Variants in IL1RAPL2 observed in about 807,000 individuals in gnomAD.
IL1RAPL2 encodes interleukin 1 receptor accessory protein like 2.
IL1RAPL2 carries 3 observed loss-of-function variants against 44.1 expected under a neutral mutation model. The ratio of observed to expected loss-of-function variants is 0.07; its 90% CI spans 0.03 to 0.18. IL1RAPL2 has a LOEUF of 0.18. Ranked by LOEUF, IL1RAPL2 falls within the 10% of genes least tolerant of loss-of-function variation. The probability of loss-of-function intolerance (pLI) is 1.00; values close to 1 mark genes in which losing one functional copy is unlikely to be tolerated. For missense variants in IL1RAPL2, 391 were observed against 496.4 expected, an observed-to-expected ratio of 0.79 and a Z score of 2.02; for synonymous variants, 181 against 178.8, an observed-to-expected ratio of 1.01 and a Z score of -0.10.
At chrX:105,147,242 G>A (rs2033187971) in intron 2 of IL1RAPL2, among the ~76,000 whole-genome samples, 1 of 111,234 alleles carries the variant, frequency 9.0e-6, no homozygotes, top group Non-Finnish European at 1.9e-5. Flanking sequence ...AACTTCCTTG[G>A]CTATTATTTT....
chrX:104,869,532 C>G (rs1286415509), intron 2 of IL1RAPL2, among the ~76,000 whole-genome samples: 3 of 111,634 alleles, frequency 2.7e-5, no homozygotes, highest in Non-Finnish European at 5.7e-5. Flanking sequence ...TGCTTTGTCT[C>G]TTCCTAGAGT....
At chrX:105,263,212 G>A (rs2034374248) in intron 4 of IL1RAPL2, among the ~76,000 whole-genome samples, 1 of 105,295 alleles carries the variant, frequency 9.5e-6, no homozygotes, top group South Asian at 4.5e-4. Flanking sequence ...CAGATGTTTA[G>A]ATGCCCTGTG....
intron 6 of IL1RAPL2, among the ~76,000 whole-genome samples, chrX:105,678,517 C>T (rs2147521205): frequency 9.1e-6 from 1 of 109,585 alleles, no homozygotes; most frequent in African/African-American, 3.3e-5. Context: ...TTCCTAGCCT[C>T]TGTAAACCAC....
intron 5 of IL1RAPL2, among the ~76,000 whole-genome samples, chrX:105,281,384 G>T: frequency 9.0e-6 from 1 of 111,242 alleles, no homozygotes; most frequent in Non-Finnish European, 1.9e-5. Context: ...TAACAAAACT[G>T]CCCGTTCTGC....
chrX:105,625,324 C>A (rs1042222840), intron 6 of IL1RAPL2, among the ~76,000 whole-genome samples: 5 of 111,607 alleles, frequency 4.5e-5, no homozygotes, highest in African/African-American at 6.5e-5. Context: ...TAAGCATAAT[C>A]CATATCCGCA....
At chrX:105,398,703 A>G (rs1366665929) in intron 5 of IL1RAPL2, among the ~76,000 whole-genome samples, 1 of 111,979 alleles carries the variant, frequency 8.9e-6, no homozygotes. Flanking sequence ...AAACATTCTA[A>G]TAGTTATCTG....
chrX:104,909,096 G>A (rs776255038), intron 2 of IL1RAPL2, among the ~76,000 whole-genome samples: 19 of 110,495 alleles, frequency 1.7e-4, no homozygotes, highest in East Asian at 1.1e-3. Flanking sequence ...CATTCATTTC[G>A]TCTTCCATCA....
intron 2 of IL1RAPL2, among the ~76,000 whole-genome samples, chrX:104,716,543 A>G (rs775968346): frequency 9.0e-6 from 1 of 111,333 alleles, no homozygotes; most frequent in Non-Finnish European, 1.9e-5. Context: ...AAGGCCTAAT[A>G]TCTAGAATCT....
intron 3 of IL1RAPL2, among the ~76,000 whole-genome samples, chrX:105,208,983 G>C (rs2033786736): frequency 8.9e-6 from 1 of 111,798 alleles, no homozygotes; most frequent in African/African-American, 3.2e-5. Flanking sequence ...CAGATCAGTA[G>C]GGTCCAGACG....
intron 2 of IL1RAPL2, among the ~76,000 whole-genome samples, chrX:104,943,561 T>C (rs1925257592): frequency 9.0e-6 from 1 of 111,495 alleles, no homozygotes; most frequent in Admixed American, 9.6e-5. Flanking sequence ...CCGTTAGGGC[T>C]TTTATATTGT....
intron 2 of IL1RAPL2, among the ~76,000 whole-genome samples, chrX:104,809,400 G>C (rs985123080): frequency 1.5e-4 from 16 of 109,874 alleles, no homozygotes; most frequent in African/African-American, 4.0e-4. Context: ...TGTTTCCTGA[G>C]TTTTTAATGA....
chrX:105,679,117 T>A (rs1460728289), intron 6 of IL1RAPL2, among the ~76,000 whole-genome samples: 1 of 110,075 alleles, frequency 9.1e-6, no homozygotes, highest in Non-Finnish European at 1.9e-5. Flanking sequence ...GTTTGCTATA[T>A]GGAATCATAA....
At chrX:105,157,122 AAAAG>A (rs1158967596) in intron 2 of IL1RAPL2, among the ~76,000 whole-genome samples, 1 of 110,109 alleles carries the variant, frequency 9.1e-6, no homozygotes, top group Admixed American at 9.8e-5. Flanking sequence ...AAAAAAAAAA[AAAAG>A]ATCTTTCCTT....
At chrX:105,180,174 T>C (rs1602994908) in intron 2 of IL1RAPL2, among the ~76,000 whole-genome samples, 1 of 109,319 alleles carries the variant, frequency 9.1e-6, no homozygotes, top group African/African-American at 3.4e-5. Context: ...CCATCTCTAC[T>C]AAAAACACAA....
At chrX:105,680,544 T>C (rs774384889) in intron 6 of IL1RAPL2, among the ~76,000 whole-genome samples, 6 of 112,525 alleles carry the variant, frequency 5.3e-5, no homozygotes, top group Non-Finnish European at 9.4e-5. Flanking sequence ...CTTGGTTGTA[T>C]AACCAATGTT....
chrX:105,076,561 G>T (rs1315458803), intron 2 of IL1RAPL2, among the ~76,000 whole-genome samples: 1 of 110,645 alleles, frequency 9.0e-6, no homozygotes, highest in African/African-American at 3.3e-5. Context: ...TATTAGGTCC[G>T]CTTGGTGCAG....
chrX:104,704,637 C>T (rs1013126854), intron 2 of IL1RAPL2, among the ~76,000 whole-genome samples: 3 of 111,004 alleles, frequency 2.7e-5, no homozygotes, highest in Non-Finnish European at 5.7e-5. Context: ...GGAGTAGAGA[C>T]TTTGGGCCAA....
intron 5 of IL1RAPL2, among the ~76,000 whole-genome samples, chrX:105,364,060 C>T (rs774454898): frequency 6.3e-5 from 7 of 111,249 alleles, no homozygotes; most frequent in Non-Finnish European, 1.1e-4. Flanking sequence ...ACAGGTCTTA[C>T]GTTTAAGTCT....
At chrX:105,573,820 C>T (rs141026871) in intron 6 of IL1RAPL2, among the ~76,000 whole-genome samples, 5,104 of 111,310 alleles carry the variant, frequency 0.046, 141 homozygotes, top group Non-Finnish European at 0.073. Flanking sequence ...AGTTATGAGG[C>T]AAGGATATAG....
Sources: gnomAD v4.1 joint callset for allele counts (sites outside exome capture counted in the v4.1 genomes callset) on GRCh38, gnomAD v4.1.1 for gene constraint, MANE v1.5 for transcripts, NCBI Gene and HGNC (gene_info 2026-07-23, HGNC 2026-07-21) for gene names.